Variants in C1orf21 observed in about 807,000 individuals in gnomAD.
C1orf21 encodes uncharacterized protein C1orf21.
In C1orf21, 3 loss-of-function variants were observed where a neutral mutation model predicts 18.7. The observed-to-expected ratio is 0.16, with a 90% CI of 0.07 to 0.42. The LOEUF (loss-of-function observed/expected upper bound fraction) is 0.42, where lower values mean the gene tolerates loss of function less well. C1orf21 is among the 10% of genes least tolerant of loss of function. The probability of loss-of-function intolerance (pLI) is 0.99; values close to 1 mark genes in which losing one functional copy is unlikely to be tolerated. For synonymous variants in C1orf21, 41 were observed against 46.4 expected (o/e 0.88, Z 0.47); for missense variants, 104 against 143.6 (o/e 0.72, Z 1.41).
chr1:184,431,273 A>G (rs1656758586), intron 1 of C1orf21, among the ~76,000 whole-genome samples: 1 of 152,236 alleles, frequency 6.6e-6, no homozygotes, highest in African/African-American at 2.4e-5. Context: ...AAACAGATAT[A>G]TAGGCCAATG....
rs146234769 is a variant in C1orf21 at position 184,434,158 on chromosome 1, G to A, written c.-124-43228G>A. 3.3e-3 allele frequency among the ~76,000 whole-genome samples: 507 copies of A among 152,204 alleles called. 6 individuals are homozygous for A. The highest frequency in any genetic ancestry group is 0.012 in the African/African-American group (479 of 41,540). ...TTTCCTATTTATTTTTGTTTAACAAGCACTTAGCATGGTGTCAGAATACAG... is the reference window on the plus strand; with the variant it reads ...TTTCCTATTTATTTTTGTTTAACAAACACTTAGCATGGTGTCAGAATACAG... On this transcript the variant is annotated intron_variant, in intron 1 of 5. Transcript: ENST00000235307.
Position 184,476,168 on chromosome 1 carries a change from G to T in C1orf21, c.-124-1218G>T, listed in dbSNP as rs183301249. On this transcript the variant is annotated intron_variant, in intron 1 of 5. Coordinates refer to ENST00000235307, the MANE Select transcript of C1orf21 (RefSeq NM_030806.4). Reference sequence around the variant, plus strand: ...TTCTACATCCAGAGATGTCCTTAGTGCCCTAGCAAGGAGGGTTTAGGAGCT... The same window carrying T: ...TTCTACATCCAGAGATGTCCTTAGTTCCCTAGCAAGGAGGGTTTAGGAGCT... Among the ~76,000 whole-genome samples, 3 of 152,270 alleles carry T rather than the reference G, an allele frequency of 2.0e-5. No homozygotes were observed. In the East Asian group the frequency reaches 5.8e-4, roughly 29 times the overall value.
chr1:184,569,749 C>A (rs1229908602), intron 3 of C1orf21, among the ~76,000 whole-genome samples: 1 of 152,142 alleles, frequency 6.6e-6, no homozygotes, highest in East Asian at 1.9e-4. Context: ...TAGAAACTGG[C>A]TGTGACAGGG....
chr1:184,444,293 G>A (rs960386399), intron 1 of C1orf21, among the ~76,000 whole-genome samples: 1 of 152,082 alleles, frequency 6.6e-6, no homozygotes, highest in East Asian at 1.9e-4. Flanking sequence ...ATTTTGAATT[G>A]TACTCCCATA....
chr1:184,558,460 A>G (rs1658909483), intron 3 of C1orf21, among the ~76,000 whole-genome samples: 1 of 152,228 alleles, frequency 6.6e-6, no homozygotes, highest in South Asian at 2.1e-4. Flanking sequence ...TATGCCAGGA[A>G]TTCCAAAGTC....
At chr1:184,391,088 G>C (rs533010668) in intron 1 of C1orf21, among the ~76,000 whole-genome samples, 1 of 152,210 alleles carries the variant, frequency 6.6e-6, no homozygotes, top group South Asian at 2.1e-4. Context: ...TAGCTTGACT[G>C]TCTCGGTTCT....
intron 3 of C1orf21, among the ~76,000 whole-genome samples, chr1:184,539,418 C>T (rs1658611054): frequency 1.3e-5 from 2 of 152,100 alleles, no homozygotes; most frequent in African/African-American, 4.8e-5. Context: ...ATTTTTGCAT[C>T]AATGTTCATA....
At chr1:184,533,591 T>C (rs115200372) in intron 3 of C1orf21, among the ~76,000 whole-genome samples, 4,198 of 152,318 alleles carry the variant, frequency 0.028, 182 homozygotes, top group African/African-American at 0.094. Context: ...TGATTTTTTT[T>C]CAGCTATTGG....
intron 2 of C1orf21, among the ~76,000 whole-genome samples, chr1:184,481,550 G>T (rs2101992288): frequency 6.6e-6 from 1 of 152,292 alleles, no homozygotes; most frequent in Non-Finnish European, 1.5e-5. Flanking sequence ...GGAGGGTCAA[G>T]ATTGGGGCTA....
intron 3 of C1orf21, among the ~76,000 whole-genome samples, chr1:184,564,824 G>A (rs969510445): frequency 1.3e-5 from 2 of 152,100 alleles, no homozygotes; most frequent in Non-Finnish European, 1.5e-5. Flanking sequence ...AGGACACAGC[G>A]AGTCACCTCT....
intron 1 of C1orf21, among the ~76,000 whole-genome samples, chr1:184,389,344 A>C (rs183776161): frequency 4.7e-4 from 72 of 152,306 alleles, no homozygotes; most frequent in African/African-American, 1.7e-3. Context: ...CACATCCTCC[A>C]GTGTTAAAAG....
chr1:184,539,257 T>C (rs1658607664), intron 3 of C1orf21, among the ~76,000 whole-genome samples: 1 of 152,140 alleles, frequency 6.6e-6, no homozygotes, highest in African/African-American at 2.4e-5. Flanking sequence ...GATGGTTATG[T>C]TTTTTTCCCT....
chr1:184,618,874 A>T (rs949320443), intron 5 of C1orf21, among the ~76,000 whole-genome samples: 1 of 152,334 alleles, frequency 6.6e-6, no homozygotes, highest in Non-Finnish European at 1.5e-5. Context: ...TCATGTCTTC[A>T]TTGAGTTTAT....
At chr1:184,479,245 C>T (rs1340043895) in intron 2 of C1orf21, among the ~76,000 whole-genome samples, 1 of 152,000 alleles carries the variant, frequency 6.6e-6, no homozygotes, top group Non-Finnish European at 1.5e-5. Context: ...TTGATTGGAA[C>T]TAGAGTCATT....
intron 1 of C1orf21, among the ~76,000 whole-genome samples, chr1:184,459,410 A>G (rs867238038): frequency 1.3e-5 from 2 of 152,176 alleles, no homozygotes; most frequent in South Asian, 2.1e-4. Flanking sequence ...AAAGTGCCCA[A>G]TTTGGCCTTG....
intron 3 of C1orf21, among the ~76,000 whole-genome samples, chr1:184,551,602 A>G (rs1352277406): frequency 1.3e-5 from 2 of 152,210 alleles, no homozygotes; most frequent in Non-Finnish European, 2.9e-5. Context: ...TTGTTACATC[A>G]GCTGTGTCTG....
rs146520964 is a variant in C1orf21 at position 184,444,925 on chromosome 1, C to T, written c.-124-32461C>T. ...AGATTCCTTCCTCTCCTGTTGTATC[C>T]TCAGCGTATTAACACCTGGGATGAA... On this transcript the variant is annotated intron_variant, in intron 1 of 5. Transcript: ENST00000235307. Among the ~76,000 whole-genome samples, 427 of 152,180 alleles carry T rather than the reference C, an allele frequency of 2.8e-3. 1 individual carries two copies. Among genetic ancestry groups the T allele is most frequent in the Middle Eastern group, 6.8e-3 (2 of 294 alleles).
chr1:184,618,010 A>G lies in C1orf21; in HGVS notation c.328-1508A>G, dbSNP rs1005018771. ...CTGCAATCTCTGCCTCCCAGGTTCA[A>G]GCGATTCTCCTGCCTTAGCCTCCCA... On this transcript the variant is annotated intron_variant, in intron 5 of 5. Coordinates refer to ENST00000235307, the MANE Select transcript of C1orf21 (RefSeq NM_030806.4). 2.7e-5 allele frequency among the ~76,000 whole-genome samples: 4 copies of G among 149,950 alleles called. No individual in the cohort carries two copies. In the Admixed American group the frequency reaches 2.7e-4, roughly 10 times the overall value.
At chr1:184,551,000 C>T (rs187265232) in intron 3 of C1orf21, among the ~76,000 whole-genome samples, 328 of 152,194 alleles carry the variant, frequency 2.2e-3, no homozygotes, top group Non-Finnish European at 3.2e-3. Flanking sequence ...AAAAGAGCAA[C>T]GAAGAGAAAC....
Sources: allele counts gnomAD v4.1 joint callset (sites outside exome capture counted in the v4.1 genomes callset), GRCh38; gene constraint gnomAD v4.1.1; transcripts MANE v1.5; gene names NCBI Gene and HGNC (gene_info 2026-07-23, HGNC 2026-07-21).